The following ADAMTS16 variants were observed in gnomAD, a reference collection of about 807,000 sequenced individuals.
The protein encoded by ADAMTS16 is ADAM metallopeptidase with thrombospondin type 1 motif 16, also known as A disintegrin and metalloproteinase with thrombospondin motifs 16.
Under a neutral mutation model 145.8 loss-of-function variants are expected in ADAMTS16, and 94 were observed. The observed-to-expected ratio is 0.64, with a 90% CI of 0.55 to 0.77. The LOEUF is 0.77. Ranked by LOEUF, ADAMTS16 falls within the 30% of genes least tolerant of loss-of-function variation. The pLI is 0.00. For missense variants in ADAMTS16, 1,585 were observed against 1,591.5 expected, an observed-to-expected ratio of 1.00 and a Z score of 0.07; for synonymous variants, 659 against 604.3, an observed-to-expected ratio of 1.09 and a Z score of -1.33.
In ADAMTS16 at chr5:5,146,146, T is replaced by C; in HGVS notation, c.192T>C (p.Ser64=). ...WMEKGEYDLV[S]AYEVDHRGDY... ...TGATTTCAGAATATGACCTGGTCTC[T>C]GCCTACGAGGTTGACCACAGGGGCG... Residue 64 remains serine (S), a synonymous_variant, in exon 3 of 23, where the codon TCT becomes TCC. Coordinates refer to ENST00000274181, the MANE Select transcript of ADAMTS16 (RefSeq NM_139056.4). The C allele has an allele frequency of 6.2e-7, 1 of 1,613,750 alleles. No homozygotes were observed. The highest frequency in any genetic ancestry group is 1.1e-5 in the South Asian group (1 of 91,084).
intron 10 of ADAMTS16, among the ~76,000 whole-genome samples, chr5:5,215,017 G>C (rs992301044): frequency 6.6e-6 from 1 of 152,136 alleles, no homozygotes; most frequent in Non-Finnish European, 1.5e-5. Context: ...GCACAGTAGA[G>C]TCACTCAGAA....
chr5:5,242,335 G>A, intron 17 of ADAMTS16, 144 bp downstream of exon 17: 1 of 1,145,886 alleles, frequency 8.7e-7, no homozygotes, highest in Non-Finnish European at 1.2e-6. Flanking sequence ...GTGGGGAGTG[G>A]TGGTCCTGAG....
At chr5:5,175,525 G>A (rs1560934723) in intron 3 of ADAMTS16, among the ~76,000 whole-genome samples, 1 of 152,134 alleles carries the variant, frequency 6.6e-6, no homozygotes, top group African/African-American at 2.4e-5. Context: ...GTCTCATTAA[G>A]TTGCATGCCC....
intron 17 of ADAMTS16, among the ~76,000 whole-genome samples, chr5:5,247,048 C>T (rs1359093426): frequency 1.3e-5 from 2 of 152,194 alleles, no homozygotes; most frequent in African/African-American, 4.8e-5. Context: ...CTTTAAAGAG[C>T]AGCAGTGGGC....
chr5:5,255,274 A>T (rs1737744349), intron 17 of ADAMTS16, among the ~76,000 whole-genome samples: 1 of 152,238 alleles, frequency 6.6e-6, no homozygotes, highest in Admixed American at 6.5e-5. Context: ...TCACCAAAAA[A>T]ATAGAAACCT....
intron 9 of ADAMTS16, among the ~76,000 whole-genome samples, chr5:5,207,676 A>G (rs6555336): frequency 0.13 from 19,400 of 150,670 alleles, 1,356 homozygotes; most frequent in Middle Eastern, 0.17. Flanking sequence ...TATTTTTTGT[A>G]GATGGAAGTT....
chr5:5,315,034 A>G (rs936401437), intron 21 of ADAMTS16, among the ~76,000 whole-genome samples: 5 of 152,238 alleles, frequency 3.3e-5, no homozygotes, highest in Admixed American at 6.5e-5. Context: ...GTCAATTTAT[A>G]AAAGAAAGAG....
At chr5:5,218,880 C>T (rs4701695) in intron 10 of ADAMTS16, among the ~76,000 whole-genome samples, 36,354 of 152,078 alleles carry the variant, frequency 0.24, 5,603 homozygotes, top group East Asian at 0.64. Flanking sequence ...ATCTTTCCAC[C>T]GTCACTGGTC....
chr5:5,301,792 C>G (rs1739785248), intron 18 of ADAMTS16, among the ~76,000 whole-genome samples: 1 of 152,188 alleles, frequency 6.6e-6, no homozygotes, highest in South Asian at 2.1e-4. Flanking sequence ...TGCCCTAACT[C>G]TACTCAGCAA....
chr5:5,303,907 C>A, intron 20 of ADAMTS16, 141 bp downstream of exon 20: 2 of 963,944 alleles, frequency 2.1e-6, no homozygotes, highest in Non-Finnish European at 3.0e-6. Context: ...TCTCAGCTTC[C>A]AACAACTTCA....
At chr5:5,202,822 T>C (rs376302424) in intron 9 of ADAMTS16, among the ~76,000 whole-genome samples, 1 of 152,280 alleles carries the variant, frequency 6.6e-6, no homozygotes, top group East Asian at 1.9e-4. Flanking sequence ...ACCCAAGTTA[T>C]TAAAGTCCAA....
intron 21 of ADAMTS16, among the ~76,000 whole-genome samples, chr5:5,316,303 A>C (rs1734057285): frequency 6.6e-6 from 1 of 152,120 alleles, no homozygotes; most frequent in Non-Finnish European, 1.5e-5. Flanking sequence ...TTAAAGCAAC[A>C]GTTTTGTTGT....
intron 10 of ADAMTS16, among the ~76,000 whole-genome samples, chr5:5,215,556 G>A (rs983453209): frequency 6.6e-6 from 1 of 151,558 alleles, no homozygotes; most frequent in Admixed American, 6.6e-5. Flanking sequence ...TCATAGCTTT[G>A]CTCCCATATA....
chr5:5,181,989 G>A, intron 3 of ADAMTS16, 55 bp from the exon 4 acceptor site: 1 of 1,544,614 alleles, frequency 6.5e-7, no homozygotes. Flanking sequence ...AATCGGCCCT[G>A]GCTTCAACCA....
At chr5:5,254,653 T>C (rs1298285518) in intron 17 of ADAMTS16, among the ~76,000 whole-genome samples, 1 of 152,134 alleles carries the variant, frequency 6.6e-6, no homozygotes, top group Non-Finnish European at 1.5e-5. Context: ...ATTTATGGAG[T>C]TTATGTTTGT....
intron 11 of ADAMTS16, 132 bp downstream of exon 11, chr5:5,223,016 C>A (rs1264562049): frequency 1.4e-5 from 9 of 658,334 alleles, no homozygotes; most frequent in Non-Finnish European, 2.1e-5. Flanking sequence ...ATGCTCCTAT[C>A]AAACACTGTG....
rs144774808 is a variant in ADAMTS16 at position 5,292,638 on chromosome 5, G to A, written c.2790-10630G>A. On this transcript the variant is annotated intron_variant, in intron 18 of 22. Transcript: ENST00000274181. ...GTCATTTGCTTGGTGCCCAAATGCC[G>A]TCGTGTGGCCTCCGTGACCCTCCAG... Among the ~76,000 whole-genome samples, 477 of 152,078 alleles carry A rather than the reference G, an allele frequency of 3.1e-3. 1 individual carries two copies. The highest frequency in any genetic ancestry group is 3.9e-3 in the Non-Finnish European group (265 of 67,996).
chr5:5,280,152 A>G (rs909252822), intron 18 of ADAMTS16, among the ~76,000 whole-genome samples: 1 of 152,030 alleles, frequency 6.6e-6, no homozygotes, highest in African/African-American at 2.4e-5. Context: ...CCTGAACTGA[A>G]TCCTGAATCC....
At chr5:5,303,503 G>A (rs773481533) in intron 19 of ADAMTS16, 34 bp downstream of exon 19, 3 of 1,607,544 alleles carry the variant, frequency 1.9e-6, no homozygotes, top group Admixed American at 1.7e-5. Context: ...GGTGGCAGCA[G>A]GGCCCCTGCA....
Sources: allele counts gnomAD v4.1 joint callset (sites outside exome capture counted in the v4.1 genomes callset), GRCh38; gene constraint gnomAD v4.1.1; transcripts MANE v1.5; gene names NCBI Gene and HGNC (gene_info 2026-07-23, HGNC 2026-07-21).